The following CNPY1 variants were observed in gnomAD, a reference collection of about 807,000 sequenced individuals.
CNPY1 encodes protein canopy homolog 1.
CNPY1 carries 14 observed loss-of-function variants against 14.4 expected under a neutral mutation model. That is an observed-to-expected ratio of 0.97 (90% CI 0.64 to 1.52). The LOEUF (loss-of-function observed/expected upper bound fraction) is 1.52, where lower values mean the gene tolerates loss of function less well. Ranked by LOEUF, CNPY1 falls within the 40% of genes most tolerant of loss-of-function variation. CNPY1 has a pLI of 0.00. For missense variants in CNPY1, 129 were observed against 131.5 expected (o/e 0.98, Z 0.09); for synonymous variants, 43 against 46.5 (o/e 0.92, Z 0.31).
chr7:155,527,183 C>T (rs369415194), intron 2 of CNPY1, among the ~76,000 whole-genome samples: 25 of 151,336 alleles, frequency 1.7e-4, no homozygotes, highest in Middle Eastern at 3.4e-3. Context: ...TCCCAAGTAG[C>T]TGGGACTACA....
chr7:155,546,310 C>T (rs1212685991), intron 1 of CNPY1, 119 bp downstream of exon 1: 12 of 395,570 alleles, frequency 3.0e-5, no homozygotes, highest in East Asian at 1.8e-4. Context: ...TTTCCACCTC[C>T]GAGTAGCTTG....
At chr7:155,524,181 A>G (rs1004228559) in intron 2 of CNPY1, among the ~76,000 whole-genome samples, 2 of 152,250 alleles carry the variant, frequency 1.3e-5, no homozygotes, top group Non-Finnish European at 2.9e-5. Context: ...GTGAAGAATT[A>G]ATAATGGAGT....
At chr7:155,544,850 C>A (rs1445688760) in intron 2 of CNPY1, among the ~76,000 whole-genome samples, 1 of 152,196 alleles carries the variant, frequency 6.6e-6, no homozygotes, top group Non-Finnish European at 1.5e-5. Context: ...CCCCTGAGAG[C>A]CCAGCCCTCT....
At chr7:155,530,149 G>A (rs927342799) in intron 2 of CNPY1, among the ~76,000 whole-genome samples, 18 of 152,090 alleles carry the variant, frequency 1.2e-4, no homozygotes, top group African/African-American at 3.6e-4. Context: ...CTGCTTCACC[G>A]GATTTGGGGC....
chr7:155,505,473 G>T (rs1397466114), intron 4 of CNPY1, among the ~76,000 whole-genome samples: 2 of 152,198 alleles, frequency 1.3e-5, no homozygotes, highest in African/African-American at 4.8e-5. Context: ...TAAATATGCA[G>T]AAGGAATGAA....
chr7:155,507,523 A>G (rs1403455757), intron 3 of CNPY1, among the ~76,000 whole-genome samples: 1 of 147,894 alleles, frequency 6.8e-6, no homozygotes, highest in African/African-American at 2.5e-5. Flanking sequence ...CCCCGAAATG[A>G]TTAAACCAGT....
intron 2 of CNPY1, among the ~76,000 whole-genome samples, chr7:155,526,838 A>G (rs933664922): frequency 7.2e-5 from 11 of 152,160 alleles, no homozygotes; most frequent in African/African-American, 2.7e-4. Flanking sequence ...AAATGTTCCT[A>G]CCTTTGACCC....
chr7:155,521,001 T>C (rs1396389047), intron 2 of CNPY1, among the ~76,000 whole-genome samples: 3 of 147,486 alleles, frequency 2.0e-5, no homozygotes, highest in African/African-American at 7.5e-5. Flanking sequence ...GTGGCACATA[T>C]CTGTAATCCC....
At chr7:155,522,213 G>A (rs1242775971) in intron 2 of CNPY1, among the ~76,000 whole-genome samples, 2 of 152,262 alleles carry the variant, frequency 1.3e-5, no homozygotes, top group African/African-American at 4.8e-5. Context: ...TGCACATATA[G>A]AGGTGCAGTC....
chr7:155,535,372 A>G (rs10273066), intron 2 of CNPY1, among the ~76,000 whole-genome samples: 1,874 of 152,282 alleles, frequency 0.012, 33 homozygotes, highest in African/African-American at 0.043. Flanking sequence ...GAGAGGAGGA[A>G]GGGAGCATTT....
intron 2 of CNPY1, among the ~76,000 whole-genome samples, chr7:155,527,442 T>C (rs1796848980): frequency 7.7e-6 from 1 of 130,468 alleles, no homozygotes. Context: ...TTCTTTTTTT[T>C]TTTTTTTTTT....
chr7:155,509,489 G>C (rs186799220), intron 2 of CNPY1, among the ~76,000 whole-genome samples: 41 of 152,268 alleles, frequency 2.7e-4, no homozygotes, highest in Non-Finnish European at 4.9e-4. Context: ...AGAGAGGAGG[G>C]GGAGAGAGAC....
At chr7:155,520,625 G>T (rs1459722024) in intron 2 of CNPY1, among the ~76,000 whole-genome samples, 2 of 151,242 alleles carry the variant, frequency 1.3e-5, no homozygotes, top group African/African-American at 4.9e-5. Context: ...TTCCATTTTG[G>T]CCCCTGCTTA....
chr7:155,528,201 C>G (rs995308891), intron 2 of CNPY1, among the ~76,000 whole-genome samples: 10 of 152,220 alleles, frequency 6.6e-5, no homozygotes, highest in Non-Finnish European at 1.5e-4. Context: ...TTTGACTTGA[C>G]TTCAACAATG....
At chr7:155,542,604 G>A (rs1045606495) in intron 2 of CNPY1, among the ~76,000 whole-genome samples, 6 of 152,274 alleles carry the variant, frequency 3.9e-5, no homozygotes, top group East Asian at 1.9e-4. Flanking sequence ...AAAAAAAAGC[G>A]GGGTCCCCAC....
chr7:155,538,268 G>C (rs1435934708), intron 2 of CNPY1, among the ~76,000 whole-genome samples: 1 of 152,198 alleles, frequency 6.6e-6, no homozygotes, highest in African/African-American at 2.4e-5. Flanking sequence ...TGGTTGCTAA[G>C]TGTGGCCTCC....
rs11771242 is a variant in CNPY1, at chr7:155,536,281, C to T, written c.99+9550G>A. Among the ~76,000 whole-genome samples, 12,671 of 152,182 alleles carry T rather than the reference C, an allele frequency of 0.083. 679 individuals carry two copies. Among genetic ancestry groups the T allele is most frequent in the Non-Finnish European group, 0.12 (8,321 of 68,012 alleles). ...CCCACTGCAGCAGACAGGTCCTGGG[C>T]GGGGCTGGTTATTTCTGCAGTACTG... is the stretch of plus-strand genomic sequence containing the variant. On this transcript the variant is annotated intron_variant, in intron 2 of 4. Coordinates refer to ENST00000636446, the MANE Select transcript of CNPY1 (RefSeq NM_001393663.1). This position sits in a 1 kb window ranked among gnomAD's most constrained non-coding sequence, Gnocchi z 4.1.
At chr7:155,544,185 C>T (rs1247426411) in intron 2 of CNPY1, among the ~76,000 whole-genome samples, 1 of 152,228 alleles carries the variant, frequency 6.6e-6, no homozygotes, top group African/African-American at 2.4e-5. Context: ...CCCTGCACGG[C>T]CCTCCATCCG....
Position 155,546,342 on chromosome 7 carries a change from C to A in CNPY1, c.-15+87G>T, listed in dbSNP as rs1418727381. 2.1e-5 allele frequency: 8 copies of A among 382,788 alleles called. No individual in the cohort carries two copies. The East Asian group carries it at 2.5e-4, about 12-fold the overall frequency. The allele number at this position is 382,788 out of a possible 1,614,324, so 23.7% of individuals were successfully genotyped here. A position where few individuals can be genotyped will look rare whatever the true frequency, so the allele number is the denominator to read the frequency against. Reference sequence around the variant, plus strand: ...CTTGGACTACAGGCATACGTCGCCACACCCGGCTAATTTTTTTTTTTTTTT... The same window carrying A: ...CTTGGACTACAGGCATACGTCGCCAAACCCGGCTAATTTTTTTTTTTTTTT... On this transcript the variant is annotated intron_variant, in intron 1 of 4. Transcript: ENST00000636446.
Sources: gnomAD v4.1 joint callset for allele counts (sites outside exome capture counted in the v4.1 genomes callset) on GRCh38, gnomAD v4.1.1 for gene constraint, Gnocchi (gnomAD v3.1) non-coding constraint, MANE v1.5 for transcripts, NCBI Gene and HGNC (gene_info 2026-07-23, HGNC 2026-07-21) for gene names.